CSMD1: variants seen among roughly 807,000 people sequenced by gnomAD.
CSMD1 encodes the protein CUB and sushi domain-containing protein 1.
A neutral mutation model predicts 417.5 loss-of-function variants in CSMD1; 213 were observed. The ratio of observed to expected loss-of-function variants is 0.51; its 90% confidence interval spans 0.46 to 0.57. The LOEUF (loss-of-function observed/expected upper bound fraction) is 0.57. CSMD1 is among the 20% of genes least tolerant of loss of function. The probability of loss-of-function intolerance (pLI) is 0.00; values close to 1 mark genes in which losing one functional copy is unlikely to be tolerated. For missense variants in CSMD1, 6,923 were observed against 4,529.7 expected (o/e 1.53, Z -15.17); for synonymous variants, 2,862 against 1,736.8 (o/e 1.65, Z -16.11).
chr8:3,305,987 CTGTAATATTCTAT>C (rs940832595), intron 25 of CSMD1, among the ~76,000 whole-genome samples: 2 of 151,984 alleles, frequency 1.3e-5, no homozygotes, highest in African/African-American at 4.8e-5. Flanking sequence ...GCCCCACAGT[CTGTAATATTCTAT>C]TGTAGCAGCA....
At chr8:3,542,707 A>G (rs935620841) in intron 10 of CSMD1, among the ~76,000 whole-genome samples, 1 of 152,192 alleles carries the variant, frequency 6.6e-6, no homozygotes, top group African/African-American at 2.4e-5. Flanking sequence ...ATAACTGTCA[A>G]ATGTGCTGGG....
Position 3,651,513 on chromosome 8 carries a change from G to A in CSMD1, c.1010-34716C>T, listed in dbSNP as rs563867927. The stretch of plus-strand genomic sequence containing the variant: ...TCCACTTATCTGCATAGCTGGCCTC[G>A]GTTTCTCCAGGTGTCTCCTCCAATG... On this transcript the variant is annotated intron_variant, in intron 7 of 69. Coordinates refer to ENST00000635120, the MANE Select transcript of CSMD1 (RefSeq NM_033225.6). Among the ~76,000 whole-genome samples, 72 of 152,128 alleles carry A rather than the reference G, an allele frequency of 4.7e-4. No individual in the cohort carries two copies. In the South Asian group the frequency reaches 0.013, roughly 28 times the overall value.
chr8:3,833,788 G>C (rs1037847604), intron 5 of CSMD1, among the ~76,000 whole-genome samples: 2 of 152,028 alleles, frequency 1.3e-5, no homozygotes, highest in Non-Finnish European at 2.9e-5. Flanking sequence ...GGTAAACTTG[G>C]AAAAGAGAGG....
chr8:3,183,968 A>C (rs1454050995), intron 36 of CSMD1, among the ~76,000 whole-genome samples: 1 of 152,162 alleles, frequency 6.6e-6, no homozygotes, highest in African/African-American at 2.4e-5. Flanking sequence ...TTCTCCATTC[A>C]GCAGTCAGAA....
At chr8:3,845,978 C>T (rs1803475868) in intron 5 of CSMD1, among the ~76,000 whole-genome samples, 1 of 152,000 alleles carries the variant, frequency 6.6e-6, no homozygotes, top group South Asian at 2.1e-4. Context: ...CAGTAGTACC[C>T]ATGGAGCCGT....
At chr8:4,827,086 T>C (rs1485787440) in intron 1 of CSMD1, among the ~76,000 whole-genome samples, 3 of 152,162 alleles carry the variant, frequency 2.0e-5, no homozygotes, top group Non-Finnish European at 2.9e-5. Flanking sequence ...GTCCATGTTC[T>C]GGCAATGCCC....
chr8:3,286,528 G>A (rs1803171949), intron 25 of CSMD1, among the ~76,000 whole-genome samples: 1 of 152,140 alleles, frequency 6.6e-6, no homozygotes, highest in South Asian at 2.1e-4. Flanking sequence ...TCTAACTGGT[G>A]TGAGATGGTA....
chr8:3,503,267 A>G (rs1432715118), intron 10 of CSMD1, among the ~76,000 whole-genome samples: 1 of 152,240 alleles, frequency 6.6e-6, no homozygotes, highest in Non-Finnish European at 1.5e-5. Flanking sequence ...TGAGATGTTT[A>G]GCCCCACATA....
intron 1 of CSMD1, among the ~76,000 whole-genome samples, chr8:4,780,619 A>T (rs962737072): frequency 3.9e-5 from 6 of 152,162 alleles, no homozygotes; most frequent in Non-Finnish European, 5.9e-5. Context: ...ATTTGGTTAC[A>T]TGAACAAGTT....
chr8:3,925,802 T>A (rs1181983480), intron 5 of CSMD1, among the ~76,000 whole-genome samples: 1 of 152,108 alleles, frequency 6.6e-6, no homozygotes, highest in African/African-American at 2.4e-5. Context: ...TGGGTATGTC[T>A]TTATCAGCAG....
intron 2 of CSMD1, among the ~76,000 whole-genome samples, chr8:4,570,584 G>A (rs1057447637): frequency 1.3e-4 from 19 of 151,902 alleles, no homozygotes; most frequent in African/African-American, 4.6e-4. Flanking sequence ...GGCATATTAG[G>A]CCTATAGGCC....
chr8:3,768,266 G>A (rs1296045401), intron 5 of CSMD1, among the ~76,000 whole-genome samples: 3 of 152,158 alleles, frequency 2.0e-5, no homozygotes, highest in Non-Finnish European at 4.4e-5. Flanking sequence ...CCCGGGCCAA[G>A]TGAATATCAT....
In CSMD1 at chr8:4,212,174, TTATATA is replaced by T. The variant is rs10682206; in HGVS notation, c.416-180081_416-180076del. Among the ~76,000 whole-genome samples the T allele has an allele frequency of 5.5e-5, 8 of 145,754 alleles. No homozygotes were observed. The East Asian group carries it at 6.0e-4, about 11-fold the overall frequency. On this transcript the variant is annotated intron_variant, in intron 3 of 69. Transcript: ENST00000635120. ...AAAAAAGACTCTGTCACTTCCCTAT[TTATATA>T]TATATATATATATATTATTTTCTCT...
At chr8:3,770,601 G>C (rs944192118) in intron 5 of CSMD1, among the ~76,000 whole-genome samples, 1 of 152,062 alleles carries the variant, frequency 6.6e-6, no homozygotes, top group Admixed American at 6.6e-5. Context: ...CATGCAGAAC[G>C]GCCATAAATG....
chr8:3,301,544 A>G (rs1401981563), intron 25 of CSMD1, among the ~76,000 whole-genome samples: 1 of 152,206 alleles, frequency 6.6e-6, no homozygotes, highest in Non-Finnish European at 1.5e-5. Flanking sequence ...CTGAGCCCTA[A>G]GAGATGGGAA....
At chr8:3,864,350 T>A (rs1804933780) in intron 5 of CSMD1, among the ~76,000 whole-genome samples, 2 of 116,994 alleles carry the variant, frequency 1.7e-5, no homozygotes, top group African/African-American at 1.0e-4. Flanking sequence ...GATGCATAGA[T>A]AACCACAGAA....
intron 2 of CSMD1, among the ~76,000 whole-genome samples, chr8:4,578,825 A>AT (rs1416594947): frequency 6.6e-6 from 1 of 150,720 alleles, no homozygotes; most frequent in Non-Finnish European, 1.5e-5. Context: ...AAAAAAAAAA[A>AT]AAAACAAACC....
chr8:4,303,414 A>G (rs991897598), intron 3 of CSMD1, among the ~76,000 whole-genome samples: 2 of 129,162 alleles, frequency 1.5e-5, no homozygotes, highest in African/African-American at 5.8e-5. Flanking sequence ...TATATTGGGC[A>G]GGAAGCTGTT....
chr8:4,945,858 C>A (rs970869855), intron 1 of CSMD1, among the ~76,000 whole-genome samples: 1 of 152,128 alleles, frequency 6.6e-6, no homozygotes, highest in Non-Finnish European at 1.5e-5. Flanking sequence ...CTGAAACTAG[C>A]AGGATTTGGC....
Sources: allele counts gnomAD v4.1 joint callset (sites outside exome capture counted in the v4.1 genomes callset), GRCh38; gene constraint gnomAD v4.1.1; transcripts MANE v1.5; gene names NCBI Gene and HGNC (gene_info 2026-07-23, HGNC 2026-07-21).